The following NLRP12 variants were observed in gnomAD, a reference collection of about 807,000 sequenced individuals.
The protein encoded by NLRP12 is NLR family pyrin domain containing 12.
NLRP12 carries 108 observed loss-of-function variants against 91.2 expected under a neutral mutation model. The observed-to-expected ratio is 1.18, with a 90% CI of 1.01 to 1.39. The LOEUF (loss-of-function observed/expected upper bound fraction) is 1.39. Among genes scored for constraint, NLRP12 ranks in the 40% most tolerant of loss-of-function variants. NLRP12 has a pLI of 0.00. For missense variants in NLRP12, 1,530 were observed against 1,352.7 expected (o/e 1.13, Z -2.06); for synonymous variants, 613 against 566.7 (o/e 1.08, Z -1.16).
intron 7 of NLRP12, among the ~76,000 whole-genome samples, chr19:53,798,904 G>C (rs1181977602): frequency 1.3e-5 from 2 of 151,982 alleles, no homozygotes; most frequent in Admixed American, 6.6e-5. Flanking sequence ...AACATGCCCG[G>C]CTAATTTTTG....
chr19:53,795,535 C>T (rs1036225520), intron 9 of NLRP12, among the ~76,000 whole-genome samples: 4 of 150,826 alleles, frequency 2.7e-5, no homozygotes, highest in Admixed American at 6.6e-5. Context: ...CCACCACGCC[C>T]GGCTAATTTT....
chr19:53,798,517 G>A (rs1003678107), intron 7 of NLRP12, 104 bp from the exon 8 acceptor site: 2 of 1,108,914 alleles, frequency 1.8e-6, no homozygotes, highest in Non-Finnish European at 2.7e-6. Flanking sequence ...CAGAGGGACA[G>A]ACTCAATCTC....
intron 2 of NLRP12, among the ~76,000 whole-genome samples, chr19:53,812,899 G>C (rs75212837): frequency 1.9e-5 from 1 of 52,148 alleles, no homozygotes; most frequent in Non-Finnish European, 4.2e-5. Flanking sequence ...TTTTTTTTTT[G>C]AGACAGAGTG....
In NLRP12 at chr19:53,824,228, C is replaced by T. The variant is rs1022960988; in HGVS notation, c.-54G>A. On this transcript the variant is annotated 5_prime_UTR_variant, in exon 1 of 10. Transcript: ENST00000324134. The stretch of plus-strand genomic sequence containing the variant: ...ACCTGGAGGCTGAGATGCTCCTATG[C>T]ACGGGACACAGGGCGACCCCAGCAC... 7 of 1,583,142 alleles carry T rather than the reference C, an allele frequency of 4.4e-6. No homozygotes were observed. The highest frequency in any genetic ancestry group is 6.0e-6 in the Non-Finnish European group (7 of 1,158,540).
In NLRP12 at chr19:53,819,560, CGTATATAT is replaced by C. The variant is rs1568696131; in HGVS notation, c.289+4318_289+4325del. Among the ~76,000 whole-genome samples the C allele has an allele frequency of 1.2e-3, 73 of 61,828 alleles. 3 individuals are homozygous for C. The highest frequency in any genetic ancestry group is 8.6e-3 in the Middle Eastern group (1 of 116). 40.6% of individuals were successfully genotyped at this position (61,828 alleles called of 152,430 possible). A position where few individuals can be genotyped will look rare whatever the true frequency, so the allele number is the denominator to read the frequency against. Reference sequence around the variant, plus strand: ...GTATACGTATATATATGTATGTATACGTATATATATGCGTATATATGTATGTATACGTA... The same window carrying C: ...GTATACGTATATATATGTATGTATACATGCGTATATATGTATGTATACGTA... On this transcript the variant is annotated intron_variant, in intron 1 of 9. Coordinates refer to ENST00000324134, the MANE Select transcript of NLRP12 (RefSeq NM_144687.4).
At chr19:53,798,558 C>A in intron 7 of NLRP12, 145 bp from the exon 8 acceptor site, 1 of 802,816 alleles carries the variant, frequency 1.2e-6, no homozygotes, top group Non-Finnish European at 2.1e-6. Flanking sequence ...AAAAAGACGA[C>A]AGAAGTAGGA....
chr19:53,801,548 G>A (rs987762251), intron 6 of NLRP12, 151 bp from the exon 7 acceptor site: 12 of 1,081,318 alleles, frequency 1.1e-5, no homozygotes, highest in Non-Finnish European at 1.6e-5. Flanking sequence ...CACCTCCCAT[G>A]TTCAAGCGAT....
chr19:53,815,698 T>A (rs929294793), intron 1 of NLRP12, among the ~76,000 whole-genome samples: 1 of 152,078 alleles, frequency 6.6e-6, no homozygotes, highest in African/African-American at 2.4e-5. Context: ...AACCTCTGCC[T>A]CCCGGGTTCA....
At position 53,809,954 on chromosome 19, in the gene NLRP12, C is replaced by T. The variant is rs753099958; in HGVS notation, c.1705G>A (p.Glu569Lys). The change falls in exon 3 of 10, where the codon GAG becomes AAG. Residue 569 changes from glutamate (E) to lysine (K), a missense_variant. By Grantham distance (56) the Glu-to-Lys change is moderately conservative. Coordinates refer to ENST00000324134, the MANE Select transcript of NLRP12 (RefSeq NM_144687.4). Reference protein sequence around the residue: ...TSRFLFGLLNEETRSHLEKSL... With the variant: ...TSRFLFGLLNKETRSHLEKSL... ...TTCTCCAGGTGGCTCCTGGTCTCCT[C>T]GTTCAGGAGTCCAAACAGGAAGCGG... The T allele has an allele frequency of 1.2e-5, 20 of 1,614,006 alleles. No individual in the cohort carries two copies. The highest frequency in any genetic ancestry group is 1.5e-5 in the Non-Finnish European group (18 of 1,180,042).
rs117238395 is a variant in NLRP12 at position 53,804,173 on chromosome 19, G to T, written c.2415-51C>A. 4.4e-5 allele frequency: 69 copies of T among 1,579,308 alleles called. No individual in the cohort carries two copies. In the South Asian group the frequency reaches 7.6e-4, roughly 17 times the overall value. ...GGACGCCATCTTGCTTTTCTATGTC[G>T]TGATCACTCATGCTCCAGCCTGTTA... On this transcript the variant is annotated intron_variant, in intron 5 of 9. Coordinates refer to ENST00000324134, the MANE Select transcript of NLRP12 (RefSeq NM_144687.4).
Position 53,803,774 on chromosome 19 carries a change from G to A in NLRP12, c.2585+178C>T, listed in dbSNP as rs140278436. ...TCTTTAGTAGAGAGGGGGTTTCACC[G>A]TGTTGGCCAGGCTGGTCTCGAACTC... is the stretch of plus-strand genomic sequence containing the variant. On this transcript the variant is annotated intron_variant, in intron 6 of 9. Transcript: ENST00000324134. 3.5e-4 allele frequency: 222 copies of A among 637,170 alleles called. No homozygotes were observed. In the African/African-American group the frequency reaches 3.5e-3, roughly 10 times the overall value. The allele number at this position is 637,170 out of a possible 1,614,324, so 39.5% of individuals were successfully genotyped here.
rs763354608 is a variant in NLRP12, at chr19:53,823,892, C to G, written c.283G>C (p.Val95Leu). Residue 95 changes from valine (V) to leucine (L), a missense_variant, in exon 1 of 10, where the codon GTG becomes CTG. Coordinates refer to ENST00000324134, the MANE Select transcript of NLRP12 (RefSeq NM_144687.4). The stretch of plus-strand genomic sequence containing the variant: ...TGTCCCGCCACCTCCTTACCCCTCA[C>G]CAGGTCCTCTCTCTGTCCTCTCTCC... The part of the protein sequence containing the change: ...LWERGQREDL[V>L]RDTPPGGPSS... The G allele has an allele frequency of 1.9e-6, 3 of 1,613,990 alleles. No individual in the cohort carries two copies. The highest frequency in any genetic ancestry group is 2.5e-6 in the Non-Finnish European group (3 of 1,180,020).
chr19:53,817,751 A>G (rs914736607), intron 1 of NLRP12, among the ~76,000 whole-genome samples: 1 of 152,064 alleles, frequency 6.6e-6, no homozygotes, highest in African/African-American at 2.4e-5. Flanking sequence ...AAAAAAAGAA[A>G]AAGAGGGCAA....
intron 6 of NLRP12, among the ~76,000 whole-genome samples, chr19:53,801,649 C>T (rs2091876953): frequency 6.6e-6 from 1 of 151,472 alleles, no homozygotes; most frequent in Non-Finnish European, 1.5e-5. Context: ...GACAGGGTTT[C>T]TCGCCATGTT....
At chr19:53,823,425 T>C (rs1599876448) in intron 1 of NLRP12, among the ~76,000 whole-genome samples, 1 of 108,996 alleles carries the variant, frequency 9.2e-6, no homozygotes, top group Non-Finnish European at 1.8e-5. Context: ...GTTTTAAATA[T>C]ATATATTTAA....
At position 53,798,229 on chromosome 19, in the gene NLRP12, T is replaced by TC; in HGVS notation, c.2927+13dup. ...AACGTGACCACTGCCACCCCGTCAC[T>TC]CCCCGATGCTCACCACAGTTTCTGG... is the stretch of plus-strand genomic sequence containing the variant. On this transcript the variant is annotated intron_variant, in intron 8 of 9. Coordinates refer to ENST00000324134, the MANE Select transcript of NLRP12 (RefSeq NM_144687.4). The TC allele has an allele frequency of 6.2e-7, 1 of 1,614,034 alleles. No individual in the cohort carries two copies.
intron 2 of NLRP12, among the ~76,000 whole-genome samples, chr19:53,811,915 T>C (rs2092083022): frequency 6.6e-6 from 1 of 152,082 alleles, no homozygotes. Flanking sequence ...CATTACCAGA[T>C]AGTGCAGACA....
At chr19:53,821,748 C>A (rs1004930698) in intron 1 of NLRP12, among the ~76,000 whole-genome samples, 1 of 151,852 alleles carries the variant, frequency 6.6e-6, no homozygotes, top group South Asian at 2.1e-4. Context: ...GTGGTGGGAG[C>A]GAGGAATCAG....
chr19:53,814,854 G>A (rs1022376155), intron 2 of NLRP12, 54 bp downstream of exon 2: 3 of 1,453,738 alleles, frequency 2.1e-6, no homozygotes, highest in Non-Finnish European at 2.9e-6. Flanking sequence ...ACACTCCGTG[G>A]GGTCAGCTGC....
Sources: allele counts gnomAD v4.1 joint callset (sites outside exome capture counted in the v4.1 genomes callset), GRCh38; gene constraint gnomAD v4.1.1; transcripts MANE v1.5; gene names NCBI Gene and HGNC (gene_info 2026-07-23, HGNC 2026-07-21).